AKAIN1: variants seen among roughly 807,000 people sequenced by gnomAD.
The protein encoded by AKAIN1 is A-kinase anchor protein inhibitor 1.
A neutral mutation model predicts 3.7 loss-of-function variants in AKAIN1; 3 were observed. The observed-to-expected ratio is 0.82, with a 90% CI of 0.37 to 2.12. AKAIN1 has a LOEUF of 2.12. Among genes scored for constraint, AKAIN1 ranks in the 30% most tolerant of loss-of-function variants. The probability of loss-of-function intolerance (pLI) is 0.06; values close to 1 mark genes in which losing one functional copy is unlikely to be tolerated. For synonymous variants in AKAIN1, 31 were observed against 30.8 expected (o/e 1.01, Z -0.02); for missense variants, 82 against 82.7 (o/e 0.99, Z 0.03).
chr18:5,181,054 G>A (rs1380450239), intron 1 of AKAIN1, among the ~76,000 whole-genome samples: 5 of 151,928 alleles, frequency 3.3e-5, no homozygotes, highest in Non-Finnish European at 5.9e-5. Context: ...TTGGGAAGGT[G>A]AGATGGAAGG....
At chr18:5,169,870 A>T (rs750677807) in intron 1 of AKAIN1, among the ~76,000 whole-genome samples, 2 of 152,170 alleles carry the variant, frequency 1.3e-5, no homozygotes, top group Non-Finnish European at 2.9e-5. Flanking sequence ...CTGCTTATGT[A>T]AACTACCTAA....
chr18:5,143,711 A>C lies in AKAIN1; in HGVS notation c.*1851T>G, dbSNP rs1056306822. Among the ~76,000 whole-genome samples, 1 of 152,240 alleles carries C rather than the reference A, an allele frequency of 6.6e-6. No homozygotes were observed. Among genetic ancestry groups the C allele is most frequent in the African/African-American group, 2.4e-5 (1 of 41,464 alleles). On this transcript the variant is annotated 3_prime_UTR_variant, in exon 2 of 2. Coordinates refer to ENST00000434239, the MANE Select transcript of AKAIN1 (RefSeq NM_001145194.2). ...CAAAGCTGTATGTGTTTTATTTATAAATAACATTTAGACACAGAGGTCAAT... is the reference window on the plus strand; with the variant it reads ...CAAAGCTGTATGTGTTTTATTTATACATAACATTTAGACACAGAGGTCAAT...
chr18:5,155,795 A>G (rs1207640179), intron 1 of AKAIN1, among the ~76,000 whole-genome samples: 1 of 152,160 alleles, frequency 6.6e-6, no homozygotes, highest in Non-Finnish European at 1.5e-5. Flanking sequence ...ATGCAAGGCA[A>G]ATTTTGGAAG....
intron 1 of AKAIN1, among the ~76,000 whole-genome samples, chr18:5,159,595 A>C (rs2071127936): frequency 6.6e-6 from 1 of 152,358 alleles, no homozygotes; most frequent in African/African-American, 2.4e-5. Flanking sequence ...AGTTTAAGAT[A>C]CAAGAACTTA....
intron 1 of AKAIN1, among the ~76,000 whole-genome samples, chr18:5,151,077 T>C (rs923249490): frequency 6.6e-6 from 1 of 152,088 alleles, no homozygotes; most frequent in African/African-American, 2.4e-5. Context: ...ACTCACTAAG[T>C]ATGCAAATTA....
intron 1 of AKAIN1, among the ~76,000 whole-genome samples, chr18:5,192,806 G>A (rs1262994763): frequency 1.3e-5 from 2 of 151,726 alleles, no homozygotes; most frequent in African/African-American, 2.4e-5. Context: ...GGGGAAGGGG[G>A]AACGGTTTGA....
At chr18:5,155,267 C>T (rs1410835014) in intron 1 of AKAIN1, among the ~76,000 whole-genome samples, 1 of 152,248 alleles carries the variant, frequency 6.6e-6, no homozygotes, top group Non-Finnish European at 1.5e-5. Flanking sequence ...GGTTTTGCAT[C>T]CTGTGCTTCA....
At chr18:5,159,064 A>G (rs1215724415) in intron 1 of AKAIN1, among the ~76,000 whole-genome samples, 1 of 150,544 alleles carries the variant, frequency 6.6e-6, no homozygotes, top group South Asian at 2.1e-4. Flanking sequence ...TTTTATAACC[A>G]TGAGAATGAG....
At chr18:5,178,490 C>A (rs896379112) in intron 1 of AKAIN1, among the ~76,000 whole-genome samples, 1 of 152,088 alleles carries the variant, frequency 6.6e-6, no homozygotes, top group Admixed American at 6.6e-5. Context: ...AGGGGAAAGG[C>A]CCCTATATGA....
chr18:5,189,755 TC>T (rs752807826), intron 1 of AKAIN1, among the ~76,000 whole-genome samples: 1 of 128,676 alleles, frequency 7.8e-6, no homozygotes, highest in African/African-American at 3.0e-5. Flanking sequence ...CCTACAGCTC[TC>T]TTTTTTTTTT....
upstream of AKAIN1, chr18:5,197,582 A>T: frequency 1.2e-6 from 1 of 844,218 alleles, no homozygotes; most frequent in Non-Finnish European, 1.6e-6. The surrounding 1 kb of genome is among the most constrained non-coding windows in gnomAD (Gnocchi z 6.9). Context: ...GCTCGAATAG[A>T]GGGGCGGGTC....
rs932671523 is a variant in AKAIN1, at chr18:5,197,180, T to G, written c.-127A>C. ...GCTGGGCGGGCGGCGGGCGGGGCGG[T>G]CAGCACCCCGGACAGCTCCCGCCGC... On this transcript the variant is annotated 5_prime_UTR_variant, in exon 1 of 2. Transcript: ENST00000434239. This position sits in a 1 kb window ranked among gnomAD's most constrained non-coding sequence, Gnocchi z 6.9. The G allele has an allele frequency of 7.3e-6, 11 of 1,499,054 alleles. No homozygotes were observed. Among genetic ancestry groups the G allele is most frequent in the Non-Finnish European group, 9.7e-6 (11 of 1,128,216 alleles). The allele number at this position is 1,499,054 out of a possible 1,614,324, so 92.9% of individuals were successfully genotyped here. A position where few individuals can be genotyped will look rare whatever the true frequency, so the allele number is the denominator to read the frequency against.
intron 1 of AKAIN1, among the ~76,000 whole-genome samples, chr18:5,189,337 T>C (rs1008618068): frequency 2.0e-5 from 3 of 152,200 alleles, no homozygotes; most frequent in Admixed American, 6.5e-5. Flanking sequence ...TAGCAAATGA[T>C]GACTTGGCCA....
At chr18:5,194,043 T>C (rs1194606637) in intron 1 of AKAIN1, among the ~76,000 whole-genome samples, 1 of 152,116 alleles carries the variant, frequency 6.6e-6, no homozygotes, top group Non-Finnish European at 1.5e-5. Flanking sequence ...CTCATTTTAG[T>C]CTTTAGCCTA....
chr18:5,188,614 A>C (rs1369457777), intron 1 of AKAIN1, among the ~76,000 whole-genome samples: 1 of 151,996 alleles, frequency 6.6e-6, no homozygotes, highest in African/African-American at 2.4e-5. Flanking sequence ...CCTTGCTTGT[A>C]ACCCTAATTA....
chr18:5,158,267 G>A (rs1336756835), intron 1 of AKAIN1, among the ~76,000 whole-genome samples: 2 of 152,068 alleles, frequency 1.3e-5, no homozygotes, highest in Non-Finnish European at 2.9e-5. Context: ...TTCTGCTCTT[G>A]GCCTCCTTTG....
At chr18:5,184,186 A>C (rs2071274515) in intron 1 of AKAIN1, among the ~76,000 whole-genome samples, 2 of 152,082 alleles carry the variant, frequency 1.3e-5, no homozygotes. Context: ...CAATGACAGC[A>C]AAAGTGCTGC....
intron 1 of AKAIN1, among the ~76,000 whole-genome samples, chr18:5,165,190 T>G (rs1253039612): frequency 6.6e-6 from 1 of 151,994 alleles, no homozygotes; most frequent in Non-Finnish European, 1.5e-5. Flanking sequence ...AAAAACATTC[T>G]ATTGGAATGT....
chr18:5,154,837 T>C (rs2071098127), intron 1 of AKAIN1, among the ~76,000 whole-genome samples: 1 of 152,244 alleles, frequency 6.6e-6, no homozygotes, highest in Admixed American at 6.5e-5. Flanking sequence ...TCATCTAGGC[T>C]GGAGTTCAGC....
Sources: gnomAD v4.1 joint callset for allele counts (sites outside exome capture counted in the v4.1 genomes callset) on GRCh38, gnomAD v4.1.1 for gene constraint, Gnocchi (gnomAD v3.1) non-coding constraint, MANE v1.5 for transcripts, NCBI Gene and HGNC (gene_info 2026-07-23, HGNC 2026-07-21) for gene names.